EML6: variants seen among roughly 807,000 people sequenced by gnomAD.
EML6 encodes EMAP like 6.
Under a neutral mutation model 240.1 loss-of-function variants are expected in EML6, and 154 were observed. The observed-to-expected ratio is 0.64, with a 90% CI of 0.56 to 0.73. The LOEUF is 0.73. Ranked by LOEUF, EML6 falls within the 30% of genes least tolerant of loss-of-function variation. The pLI is 0.00. For synonymous variants in EML6, 1,148 were observed against 899.0 expected (o/e 1.28, Z -4.95); for missense variants, 2,964 against 2,474.6 (o/e 1.20, Z -4.20).
chr2:54,831,288 G>T (rs537147591), intron 7 of EML6, among the ~76,000 whole-genome samples: 3 of 152,154 alleles, frequency 2.0e-5, no homozygotes, highest in African/African-American at 7.2e-5. Flanking sequence ...TCCAAAAATT[G>T]TATCACATAA....
chr2:54,742,517 C>T (rs1392944066), intron 2 of EML6, among the ~76,000 whole-genome samples: 2 of 152,134 alleles, frequency 1.3e-5, no homozygotes, highest in Admixed American at 6.5e-5. Flanking sequence ...GCATTTTCTC[C>T]GTCTCTTAAA....
At chr2:54,864,887 C>T (rs897367542) in intron 13 of EML6, among the ~76,000 whole-genome samples, 2 of 152,144 alleles carry the variant, frequency 1.3e-5, no homozygotes, top group Admixed American at 6.5e-5. Flanking sequence ...AAATTGTGTT[C>T]GTACCAAGAC....
intron 4 of EML6, among the ~76,000 whole-genome samples, chr2:54,819,455 G>A (rs767495666): frequency 3.9e-5 from 6 of 152,090 alleles, no homozygotes; most frequent in African/African-American, 9.7e-5. Flanking sequence ...ATAGAACTAC[G>A]TGCAAACTGT....
chr2:54,944,289 C>G (rs183644342), intron 28 of EML6, among the ~76,000 whole-genome samples: 40 of 152,298 alleles, frequency 2.6e-4, no homozygotes, highest in African/African-American at 6.7e-4. Flanking sequence ...TATTTTCTCT[C>G]TGTCTCATTC....
intron 12 of EML6, among the ~76,000 whole-genome samples, chr2:54,863,377 G>C (rs1440047100): frequency 6.6e-6 from 1 of 152,154 alleles, no homozygotes; most frequent in East Asian, 1.9e-4. Flanking sequence ...AAAATTAACT[G>C]GGCATGGTGG....
At chr2:54,726,148 G>T (rs931053903) in intron 2 of EML6, among the ~76,000 whole-genome samples, 11 of 152,234 alleles carry the variant, frequency 7.2e-5, no homozygotes, top group African/African-American at 2.7e-4. Context: ...TCAGCCTTCA[G>T]CAGTTAAGGA....
At chr2:54,808,456 C>G (rs576744615) in intron 2 of EML6, among the ~76,000 whole-genome samples, 3 of 152,098 alleles carry the variant, frequency 2.0e-5, no homozygotes, top group South Asian at 2.1e-4. Flanking sequence ...AAGCTGCTCT[C>G]AAGGTTATCT....
intron 28 of EML6, among the ~76,000 whole-genome samples, chr2:54,947,258 C>G (rs139415914): frequency 4.6e-5 from 7 of 152,044 alleles, no homozygotes; most frequent in Non-Finnish European, 1.0e-4. Context: ...TCCTGGGAAG[C>G]GATAATTAAT....
chr2:54,801,821 A>G (rs959190253), intron 2 of EML6, among the ~76,000 whole-genome samples: 7 of 152,206 alleles, frequency 4.6e-5, no homozygotes, highest in African/African-American at 1.4e-4. Context: ...ATGTATTAAA[A>G]CGTCATGCCA....
intron 2 of EML6, among the ~76,000 whole-genome samples, chr2:54,744,907 C>T (rs1489798628): frequency 1.5e-4 from 2 of 12,992 alleles, no homozygotes; most frequent in Non-Finnish European, 1.5e-4. Flanking sequence ...CACACACGTA[C>T]ACACACACAC....
At chr2:54,924,499 G>A (rs1674437247) in intron 26 of EML6, among the ~76,000 whole-genome samples, 1 of 152,060 alleles carries the variant, frequency 6.6e-6, no homozygotes, top group Non-Finnish European at 1.5e-5. Context: ...ATAGGTTCAT[G>A]GCTTAAACTA....
chr2:54,806,434 G>A (rs1027950024), intron 2 of EML6, among the ~76,000 whole-genome samples: 24 of 151,808 alleles, frequency 1.6e-4, no homozygotes, highest in Non-Finnish European at 4.4e-5. Context: ...CCAACAGGGC[G>A]AAACCCTGTC....
intron 2 of EML6, among the ~76,000 whole-genome samples, chr2:54,791,628 A>G (rs530570628): frequency 7.9e-5 from 12 of 152,300 alleles, no homozygotes; most frequent in African/African-American, 2.9e-4. Context: ...CCACACCGGT[A>G]TCCCTTTTGT....
intron 17 of EML6, among the ~76,000 whole-genome samples, chr2:54,886,429 C>A (rs920565214): frequency 1.3e-5 from 2 of 152,176 alleles, no homozygotes; most frequent in Non-Finnish European, 2.9e-5. Flanking sequence ...CTCAGCCCCC[C>A]AGAGTGTTGG....
intron 2 of EML6, among the ~76,000 whole-genome samples, chr2:54,778,905 A>T (rs1380753636): frequency 7.2e-6 from 1 of 139,350 alleles, no homozygotes; most frequent in Non-Finnish European, 1.5e-5. Flanking sequence ...AAAAAAAAAG[A>T]AAGAAAGAAA....
chr2:54,882,997 G>GAC (rs1671920436), intron 17 of EML6: 1 of 151,556 alleles, frequency 6.6e-6, no homozygotes, highest in Non-Finnish European at 1.5e-5. Flanking sequence ...TGCATTTAAT[G>GAC]ACTATGATAG....
chr2:54,931,062 A>G (rs1448332082), intron 28 of EML6, among the ~76,000 whole-genome samples: 26 of 137,498 alleles, frequency 1.9e-4, no homozygotes, highest in South Asian at 7.0e-4. Flanking sequence ...GGTTCACGCC[A>G]TTCTCCTGCC....
At chr2:54,768,955 CAT>C (rs1276938223) in intron 2 of EML6, among the ~76,000 whole-genome samples, 2 of 152,082 alleles carry the variant, frequency 1.3e-5, no homozygotes, top group Non-Finnish European at 2.9e-5. Context: ...AGTGCCAACA[CAT>C]GTGGATAATG....
chr2:54,747,687 G>A (rs1188418795), intron 2 of EML6, among the ~76,000 whole-genome samples: 3 of 152,008 alleles, frequency 2.0e-5, no homozygotes, highest in Admixed American at 2.0e-4. Context: ...ACTTATTTGA[G>A]GCTCTTTGTT....
Sources: allele counts gnomAD v4.1 joint callset (sites outside exome capture counted in the v4.1 genomes callset), GRCh38; gene constraint gnomAD v4.1.1; transcripts MANE v1.5; gene names NCBI Gene and HGNC (gene_info 2026-07-23, HGNC 2026-07-21).